The following ERCC6L2 variants were observed in gnomAD, a reference collection of about 807,000 sequenced individuals.
ERCC6L2 encodes ERCC excision repair 6 like 2.
A neutral mutation model predicts 132.0 loss-of-function variants in ERCC6L2; 77 were observed. The ratio of observed to expected loss-of-function variants is 0.58; its 90% CI spans 0.49 to 0.71. ERCC6L2 has a LOEUF of 0.71. Among genes scored for constraint, ERCC6L2 ranks in the 30% least tolerant of loss-of-function variants. The probability of loss-of-function intolerance (pLI) is 0.00; values close to 1 mark genes in which losing one functional copy is unlikely to be tolerated. For missense variants in ERCC6L2, 1,542 were observed against 1,837.6 expected (o/e 0.84, Z 2.94); for synonymous variants, 583 against 632.4 (o/e 0.92, Z 1.17).
chr9:95,959,418 A>G (rs1445247719), intron 13 of ERCC6L2, among the ~76,000 whole-genome samples: 9 of 151,830 alleles, frequency 5.9e-5, no homozygotes, highest in African/African-American at 2.2e-4. Flanking sequence ...ACCTAAAACC[A>G]TAAAAACCCT....
chr9:95,970,529 C>A (rs1832365769), intron 14 of ERCC6L2, 47 bp from the exon 15 acceptor site: 1 of 1,164,602 alleles, frequency 8.6e-7, no homozygotes, highest in Non-Finnish European at 1.1e-6. Context: ...TTGTTGCTAC[C>A]CCCTGTGTTG....
chr9:95,898,858 T>G (rs1828606408), intron 3 of ERCC6L2, among the ~76,000 whole-genome samples: 1 of 152,174 alleles, frequency 6.6e-6, no homozygotes. Flanking sequence ...AACTACTGGC[T>G]TAAGATATAA....
chr9:95,916,359 C>T lies in ERCC6L2; in HGVS notation c.1083C>T (p.Ala361=). The part of the protein sequence containing the change: ...ATGRKAMQRL[A]KKMSGWFLRR... The stretch of plus-strand genomic sequence containing the variant: ...GCCGAAAGGCCATGCAAAGACTTGC[C>T]AAAAAGATGTCTGGCTGGTTTCTCA... Residue 361 remains alanine, a synonymous_variant, in exon 6 of 19, where the codon GCC becomes GCT. Transcript: ENST00000653738. 6.2e-7 allele frequency: 1 copy of T among 1,609,654 alleles called. No homozygotes were observed.
intron 3 of ERCC6L2, among the ~76,000 whole-genome samples, chr9:95,903,913 AC>A (rs1382372544): frequency 6.6e-6 from 1 of 152,076 alleles, no homozygotes; most frequent in African/African-American, 2.4e-5. Context: ...AAAATACCCA[AC>A]ATAGGTAATT....
At chr9:96,019,495 G>T (rs987224078), downstream of ERCC6L2, among the ~76,000 whole-genome samples, 11 of 152,016 alleles carry the variant, frequency 7.2e-5, no homozygotes, top group Non-Finnish European at 1.0e-4. Flanking sequence ...TTCCTTCCAT[G>T]TCACCCCTGA....
chr9:95,919,446 G>A (rs1829756701), intron 6 of ERCC6L2, among the ~76,000 whole-genome samples: 1 of 152,016 alleles, frequency 6.6e-6, no homozygotes, highest in South Asian at 2.1e-4. Context: ...AATCCTTGTG[G>A]CCACCCAGAA....
intron 13 of ERCC6L2, among the ~76,000 whole-genome samples, chr9:95,961,969 A>G (rs992947680): frequency 6.6e-6 from 1 of 151,106 alleles, no homozygotes. Flanking sequence ...TGAACCGCCC[A>G]CATGATTCAG....
intron 19 of ERCC6L2, among the ~76,000 whole-genome samples, chr9:96,029,007 A>G (rs1220400481): frequency 1.3e-5 from 2 of 152,192 alleles, no homozygotes; most frequent in African/African-American, 2.4e-5. Flanking sequence ...CTATGTTGTT[A>G]GAAGTTAGGA....
intron 17 of ERCC6L2, among the ~76,000 whole-genome samples, chr9:96,002,015 G>A (rs1833701050): frequency 6.6e-6 from 1 of 152,260 alleles, no homozygotes; most frequent in Non-Finnish European, 1.5e-5. Context: ...TGCTCCGAGT[G>A]CGGGGCGCAC....
chr9:95,965,876 C>A (rs1487452751), intron 13 of ERCC6L2, among the ~76,000 whole-genome samples: 1 of 152,108 alleles, frequency 6.6e-6, no homozygotes. Flanking sequence ...TCTGTGCATT[C>A]TTTGTTTCTT....
At chr9:95,891,314 A>G (rs115698191) in intron 2 of ERCC6L2, among the ~76,000 whole-genome samples, 1,772 of 152,316 alleles carry the variant, frequency 0.012, 45 homozygotes, top group African/African-American at 0.04. Flanking sequence ...AATAATTCTG[A>G]TTACACTGTA....
intron 19 of ERCC6L2, among the ~76,000 whole-genome samples, chr9:96,034,073 T>G (rs1834492562): frequency 6.6e-6 from 1 of 152,184 alleles, no homozygotes; most frequent in East Asian, 1.9e-4. Context: ...CTGGCCATTC[T>G]CCCAGATGCC....
chr9:95,978,112 C>G lies in ERCC6L2; in HGVS notation c.3389C>G (p.Ser1130Trp), dbSNP rs377159573. The G allele has an allele frequency of 7.3e-7, 1 of 1,367,288 alleles. No individual in the cohort carries two copies. The highest frequency in any genetic ancestry group is 4.5e-5 in the East Asian group (1 of 21,984). The allele number at this position is 1,367,288 out of a possible 1,614,324, so 84.7% of individuals were successfully genotyped here. ...YIHSNQNVIG[S>W]SKAENHMSRW... ...CACTCAAACCAGAATGTAATTGGAT[C>G]GAGCAAAGCTGAAAATCACATGAGC... is the stretch of plus-strand genomic sequence containing the variant. Residue 1130 changes from serine to tryptophan, a missense_variant, in exon 17 of 19, where the codon TCG (serine) becomes TGG (tryptophan). Physicochemically the swap from Ser to Trp is radical, Grantham distance 177 (BLOSUM62 -3). Transcript: ENST00000653738.
chr9:95,926,731 C>T (rs1040085381), intron 9 of ERCC6L2, among the ~76,000 whole-genome samples: 1 of 151,984 alleles, frequency 6.6e-6, no homozygotes, highest in African/African-American at 2.4e-5. Flanking sequence ...TGTCAAAACC[C>T]GTGAACTATG....
intron 1 of ERCC6L2, among the ~76,000 whole-genome samples, chr9:95,879,401 CTT>C (rs1160660818): frequency 8.5e-5 from 13 of 152,106 alleles, no homozygotes; most frequent in African/African-American, 2.7e-4. Context: ...TAAAATAAGT[CTT>C]AAGAAATGAT....
At chr9:95,962,535 T>A (rs1564266486) in intron 13 of ERCC6L2, among the ~76,000 whole-genome samples, 1 of 152,170 alleles carries the variant, frequency 6.6e-6, no homozygotes, top group Non-Finnish European at 1.5e-5. Context: ...AAAATTATAG[T>A]CAGATCAAAT....
rs772464072 is a variant in ERCC6L2, at chr9:95,921,267, G to A, written c.1251G>A (p.Glu417=). 4 of 1,613,568 alleles carry A rather than the reference G, an allele frequency of 2.5e-6. No homozygotes were observed. Among genetic ancestry groups the A allele is most frequent in the Non-Finnish European group, 3.4e-6 (4 of 1,179,772 alleles). Residue 417 remains glutamate (E), a synonymous_variant, in exon 7 of 19, where the codon GAG becomes GAA. Transcript: ENST00000653738. ...EDVTLILQSS[E]PCTCRSGQKR... Reference sequence around the variant, plus strand: ...TGACTTTGATACTTCAATCTTCTGAGCCTTGTACCTGTAGGAGTGGCCAAA... The same window carrying A: ...TGACTTTGATACTTCAATCTTCTGAACCTTGTACCTGTAGGAGTGGCCAAA...
At chr9:95,899,708 G>A (rs1360893111) in intron 3 of ERCC6L2, among the ~76,000 whole-genome samples, 1 of 151,034 alleles carries the variant, frequency 6.6e-6, no homozygotes, top group Non-Finnish European at 1.5e-5. Flanking sequence ...TGTGGGATTG[G>A]TTCCAGGACC....
Position 95,980,437 on chromosome 9 carries a change from A to T in ERCC6L2, c.3492+2222A>T, listed in dbSNP as rs141245441. On this transcript the variant is annotated intron_variant, in intron 17 of 18. Coordinates refer to ENST00000653738, the MANE Select transcript of ERCC6L2 (RefSeq NM_020207.7). ...ATGGGAGGTCCATTCCCATGGCACC[A>T]TTGCTAGCAGCCCAAACACAGTCTG... Among the ~76,000 whole-genome samples, 414 of 152,320 alleles carry T rather than the reference A, an allele frequency of 2.7e-3. 1 individual carries two copies. Among genetic ancestry groups the T allele is most frequent in the African/African-American group, 9.5e-3 (396 of 41,588 alleles).
Sources: gnomAD v4.1 joint callset for allele counts (sites outside exome capture counted in the v4.1 genomes callset) on GRCh38, gnomAD v4.1.1 for gene constraint, MANE v1.5 for transcripts, NCBI Gene and HGNC (gene_info 2026-07-23, HGNC 2026-07-21) for gene names.